Variants in BARHL1 observed in about 807,000 individuals in gnomAD.
The protein encoded by BARHL1 is BarH like homeobox 1, also known as barH-like 1 homeobox protein.
In BARHL1, 2 loss-of-function variants were observed where a neutral mutation model predicts 20.1. The observed-to-expected ratio is 0.10, with a 90% CI of 0.04 to 0.31. BARHL1 has a LOEUF of 0.31. Among genes scored for constraint, BARHL1 ranks in the 10% least tolerant of loss-of-function variants. The pLI is 1.00. For synonymous variants in BARHL1, 213 were observed against 209.9 expected (o/e 1.01, Z -0.13); for missense variants, 397 against 454.0 (o/e 0.87, Z 1.14).
At chr9:132,584,869 G>A (rs1286841306) in intron 1 of BARHL1, among the ~76,000 whole-genome samples, 1 of 152,196 alleles carries the variant, frequency 6.6e-6, no homozygotes, top group Non-Finnish European at 1.5e-5. Context: ...GAAGGGGGAG[G>A]AGGAAGGAGG....
chr9:132,586,664 T>A (rs974598689), intron 1 of BARHL1, among the ~76,000 whole-genome samples: 2 of 152,244 alleles, frequency 1.3e-5, no homozygotes, highest in Admixed American at 6.5e-5. Context: ...GGGTCGCTTA[T>A]TCTCCCAGTG....
rs1404520884 is a variant in BARHL1 at position 132,587,010 on chromosome 9, G to A, written c.467-319G>A. The stretch of plus-strand genomic sequence containing the variant: ...GGTCCGGTTCCATCGTCGCGGCTCC[G>A]TTTATCCCTCCAGGGAGCGCGGGCA... On this transcript the variant is annotated intron_variant, in intron 1 of 2. Coordinates refer to ENST00000263610, the MANE Select transcript of BARHL1 (RefSeq NM_020064.4). This position sits in a 1 kb window ranked among gnomAD's most constrained non-coding sequence, Gnocchi z 5.5. Among the ~76,000 whole-genome samples, 3 of 152,232 alleles carry A rather than the reference G, an allele frequency of 2.0e-5. No individual in the cohort carries two copies. Among genetic ancestry groups the A allele is most frequent in the Non-Finnish European group, 4.4e-5 (3 of 68,032 alleles).
At position 132,589,546 on chromosome 9, in the gene BARHL1, C is replaced by A. The variant is rs1246126711; in HGVS notation, c.*24C>A. 4 of 1,275,096 alleles carry A rather than the reference C, an allele frequency of 3.1e-6. No homozygotes were observed. The African/African-American group carries it at 4.7e-5, about 15-fold the overall frequency. 79.0% of individuals were successfully genotyped at this position (1,275,096 alleles called of 1,614,324 possible). On this transcript the variant is annotated 3_prime_UTR_variant, in exon 3 of 3. Coordinates refer to ENST00000263610, the MANE Select transcript of BARHL1 (RefSeq NM_020064.4). ...GAGGCGCCCGTCGGCTCCGGGGCCT[C>A]CTCCCGCGGGCTCGGCGTGGCCCCT...
intron 1 of BARHL1, among the ~76,000 whole-genome samples, chr9:132,583,808 G>A (rs987065678): frequency 6.6e-6 from 1 of 152,210 alleles, no homozygotes; most frequent in Non-Finnish European, 1.5e-5. Context: ...GTCATGAAAA[G>A]AGGCACTCAC....
At position 132,589,694 on chromosome 9, in the gene BARHL1, C is replaced by T. The variant is rs1830186765; in HGVS notation, c.*172C>T. On this transcript the variant is annotated 3_prime_UTR_variant, in exon 3 of 3. Coordinates refer to ENST00000263610, the MANE Select transcript of BARHL1 (RefSeq NM_020064.4). The stretch of plus-strand genomic sequence containing the variant: ...GCCAAATGCCAAGTCCACTGAGGCC[C>T]GGACCCCGGACTGCGTCTCCCCAGC... 2 of 895,382 alleles carry T rather than the reference C, an allele frequency of 2.2e-6. No individual in the cohort carries two copies. Among genetic ancestry groups the T allele is most frequent in the Non-Finnish European group, 2.9e-6 (2 of 690,010 alleles). 55.5% of individuals were successfully genotyped at this position (895,382 alleles called of 1,614,324 possible).
chr9:132,588,539 T>C (rs1830171122), intron 2 of BARHL1, among the ~76,000 whole-genome samples: 1 of 152,000 alleles, frequency 6.6e-6, no homozygotes, highest in Non-Finnish European at 1.5e-5. Flanking sequence ...CACCTGCAGG[T>C]GAGCCTAGGG....
rs1564261728 is a variant in BARHL1 at position 132,589,335 on chromosome 9, G to A, written c.797G>A (p.Ser266Asn). The change falls in exon 3 of 3, where the codon AGT becomes AAT. Residue 266 changes from serine to asparagine, a missense_variant. This residue lies in a region of BARHL1 where 121 missense variants were observed against 135.9 expected (regional missense o/e 0.89). Coordinates refer to ENST00000263610, the MANE Select transcript of BARHL1 (RefSeq NM_020064.4). Reference protein sequence around the residue: ...MFPSPYFYPQSLVSNLDPGAA... With the variant: ...MFPSPYFYPQNLVSNLDPGAA... Reference sequence around the variant, plus strand: ...CCGTCGCCTTATTTCTACCCGCAGAGTCTGGTTTCCAACCTGGACCCCGGC... The same window carrying A: ...CCGTCGCCTTATTTCTACCCGCAGAATCTGGTTTCCAACCTGGACCCCGGC... 1 of 1,613,574 alleles carries A rather than the reference G, an allele frequency of 6.2e-7. No individual in the cohort carries two copies. Among genetic ancestry groups the A allele is most frequent in the Admixed American group, 1.7e-5 (1 of 60,012 alleles).
At position 132,582,894 on chromosome 9, in the gene BARHL1, C is replaced by G; in HGVS notation, c.97C>G (p.Arg33Gly). 6.2e-7 allele frequency: 1 copy of G among 1,613,292 alleles called. No individual in the cohort carries two copies. Among genetic ancestry groups the G allele is most frequent in the Non-Finnish European group, 8.5e-7 (1 of 1,179,938 alleles). ...PKGDPLLGDC[R>G]SPLELSPRSE... ...GGGGGACCCCTTGCTCGGGGACTGC[C>G]GTTCGCCCCTGGAGCTGAGTCCACG... Residue 33 changes from arginine (R) to glycine (G), a missense_variant, in exon 1 of 3, where the codon CGT becomes GGT. Transcript: ENST00000263610.
In BARHL1 at chr9:132,587,730, C is replaced by A. The variant is rs563675892; in HGVS notation, c.689+179C>A. On this transcript the variant is annotated intron_variant, in intron 2 of 2. Coordinates refer to ENST00000263610, the MANE Select transcript of BARHL1 (RefSeq NM_020064.4). The surrounding 1 kb of genome is among the most constrained non-coding windows in gnomAD (Gnocchi z 5.5). The stretch of plus-strand genomic sequence containing the variant: ...AAGGCCTTGCCCAAAGTCCCCACAG[C>A]GAGGGACAGAGATGAGACTAGACTT... 5.8e-4 allele frequency among the ~76,000 whole-genome samples: 88 copies of A among 152,340 alleles called. No individual in the cohort carries two copies. Among genetic ancestry groups the A allele is most frequent in the African/African-American group, 2.0e-3 (82 of 41,584 alleles).
Position 132,589,482 on chromosome 9 carries a change from C to A in BARHL1, c.944C>A (p.Pro315His), listed in dbSNP as rs960401083. 4.7e-6 allele frequency: 7 copies of A among 1,482,302 alleles called. No individual in the cohort carries two copies. The highest frequency in any genetic ancestry group is 1.4e-5 in the South Asian group (1 of 73,350). 91.8% of individuals were successfully genotyped at this position (1,482,302 alleles called of 1,614,324 possible). A position where few individuals can be genotyped will look rare whatever the true frequency, so the allele number is the denominator to read the frequency against. Reference sequence around the variant, plus strand: ...AGCGAGCCGCCCCCGCCGCTGCCCCCCCTGGCCGGCGTCCTCCCACGCGCC... The same window carrying A: ...AGCGAGCCGCCCCCGCCGCTGCCCCACCTGGCCGGCGTCCTCCCACGCGCC... Reference protein sequence around the residue: ...GASEPPPPLPPLAGVLPRAAQ... With the variant: ...GASEPPPPLPHLAGVLPRAAQ... Residue 315 changes from proline to histidine, a missense_variant, in exon 3 of 3, where the codon CCC (proline) becomes CAC (histidine). By Grantham distance (77) the Pro-to-His change is moderately conservative (BLOSUM62 -2). Transcript: ENST00000263610.
intron 1 of BARHL1, among the ~76,000 whole-genome samples, chr9:132,584,615 C>A (rs906502654): frequency 6.6e-6 from 1 of 152,146 alleles, no homozygotes; most frequent in Admixed American, 6.5e-5. Context: ...GACTCCAAAC[C>A]GAAATTCATC....
intron 1 of BARHL1, among the ~76,000 whole-genome samples, chr9:132,585,206 C>A (rs1453291934): frequency 6.6e-6 from 1 of 152,172 alleles, no homozygotes; most frequent in Non-Finnish European, 1.5e-5. Flanking sequence ...CTTGCCCAAC[C>A]CCCACCCCAG....
chr9:132,589,359 G>A lies in BARHL1; in HGVS notation c.821G>A (p.Gly274Asp). 6.2e-6 allele frequency: 10 copies of A among 1,613,324 alleles called. No individual in the cohort carries two copies. Among genetic ancestry groups the A allele is most frequent in the Non-Finnish European group, 7.6e-6 (9 of 1,179,942 alleles). Residue 274 changes from glycine (G) to aspartate (D), a missense_variant, in exon 3 of 3, where the codon GGC (glycine) becomes GAC (aspartate). By Grantham distance (94) the Gly-to-Asp change is moderately conservative. This residue lies in a region of BARHL1 where 121 missense variants were observed against 135.9 expected (regional missense o/e 0.89). Coordinates refer to ENST00000263610, the MANE Select transcript of BARHL1 (RefSeq NM_020064.4). ...AGTCTGGTTTCCAACCTGGACCCCG[G>A]CGCGGCGCTCTACCTGTACCGCGGC... ...PQSLVSNLDP[G>D]AALYLYRGPS...
chr9:132,585,522 G>T (rs1442360730), intron 1 of BARHL1, among the ~76,000 whole-genome samples: 1 of 152,178 alleles, frequency 6.6e-6, no homozygotes, highest in Admixed American at 6.5e-5. Context: ...GGTGGTCGGC[G>T]ACACTAGCGG....
intron 1 of BARHL1, among the ~76,000 whole-genome samples, chr9:132,585,645 C>A (rs140823427): frequency 6.6e-6 from 1 of 152,270 alleles, no homozygotes; most frequent in Non-Finnish European, 1.5e-5. Context: ...GAATCAGAGT[C>A]TGGGAAGCCA....
chr9:132,589,725 T>A lies in BARHL1; in HGVS notation c.*203T>A. ...CCGGACTGCGTCTCCCCAGCCCCCC[T>A]CGGCGTCCTCTCTCGCGGCCGCTCT... On this transcript the variant is annotated 3_prime_UTR_variant, in exon 3 of 3. Coordinates refer to ENST00000263610, the MANE Select transcript of BARHL1 (RefSeq NM_020064.4). The A allele has an allele frequency of 1.5e-6, 1 of 655,212 alleles. No homozygotes were observed. Among genetic ancestry groups the A allele is most frequent in the Non-Finnish European group, 2.1e-6 (1 of 473,556 alleles). The allele number at this position is 655,212 out of a possible 1,614,324, so 40.6% of individuals were successfully genotyped here. A position where few individuals can be genotyped will look rare whatever the true frequency, so the allele number is the denominator to read the frequency against.
At chr9:132,589,038 C>T (rs994680722) in intron 2 of BARHL1, among the ~76,000 whole-genome samples, 190 bp from the exon 3 acceptor site, 7 of 152,142 alleles carry the variant, frequency 4.6e-5, no homozygotes, top group Non-Finnish European at 7.4e-5. Flanking sequence ...CACGGAAGGC[C>T]GGTGGAAGAT....
Position 132,587,181 on chromosome 9 carries a change from G to GC in BARHL1, c.467-148_467-147insC. The GC allele has an allele frequency of 1.3e-6, 1 of 788,582 alleles. No homozygotes were observed. Among genetic ancestry groups the GC allele is most frequent in the African/African-American group, 1.7e-5 (1 of 58,166 alleles). 48.8% of individuals were successfully genotyped at this position (788,582 alleles called of 1,614,324 possible). Reference sequence around the variant, plus strand: ...CATGTCCTGTTCCCGGGGCCCCAGAGGTCCCGTCTGAGAGCGGCCCCCGCG... The same window carrying GC: ...CATGTCCTGTTCCCGGGGCCCCAGAGCGTCCCGTCTGAGAGCGGCCCCCGCG... On this transcript the variant is annotated intron_variant, in intron 1 of 2. Transcript: ENST00000263610. The surrounding 1 kb of genome is among the most constrained non-coding windows in gnomAD (Gnocchi z 5.5).
chr9:132,589,633 C>A lies in BARHL1; in HGVS notation c.*111C>A. 8.2e-7 allele frequency: 1 copy of A among 1,216,750 alleles called. No individual in the cohort carries two copies. The highest frequency in any genetic ancestry group is 1.0e-6 in the Non-Finnish European group (1 of 978,620). The allele number at this position is 1,216,750 out of a possible 1,614,324, so 75.4% of individuals were successfully genotyped here. A position where few individuals can be genotyped will look rare whatever the true frequency, so the allele number is the denominator to read the frequency against. ...TTTCCCGGGAGGGGGCCCTGCCCGG[C>A]CCTCCCTGGCGCCCCAGCCCAGTGC... On this transcript the variant is annotated 3_prime_UTR_variant, in exon 3 of 3. Transcript: ENST00000263610.
Sources: allele counts gnomAD v4.1 joint callset (sites outside exome capture counted in the v4.1 genomes callset), GRCh38; gene constraint gnomAD v4.1.1; regional missense constraint gnomAD v4.1.1; non-coding constraint Gnocchi (gnomAD v3.1); transcripts MANE v1.5; gene names NCBI Gene and HGNC (gene_info 2026-07-23, HGNC 2026-07-21).